GSE1: variants seen among roughly 807,000 people sequenced by gnomAD.
GSE1 encodes the protein genetic suppressor element 1.
GSE1 carries 32 observed loss-of-function variants against 112.6 expected under a neutral mutation model. The observed-to-expected ratio is 0.28, with a 90% CI of 0.21 to 0.38. The LOEUF is 0.38. GSE1 is among the 10% of genes least tolerant of loss of function. The probability of loss-of-function intolerance (pLI) is 1.00; values close to 1 mark genes in which losing one functional copy is unlikely to be tolerated. For missense variants in GSE1, 2,348 were observed against 1,699.2 expected (o/e 1.38, Z -6.71); for synonymous variants, 1,115 against 735.6 (o/e 1.52, Z -8.35).
At chr16:85,433,053 C>A (rs1019156583) in intron 2 of GSE1, among the ~76,000 whole-genome samples, 2 of 151,832 alleles carry the variant, frequency 1.3e-5, no homozygotes, top group Non-Finnish European at 2.9e-5. Flanking sequence ...AAGTCCCCCC[C>A]AGAGACTTCC....
chr16:85,453,491 A>C (rs867507659), intron 2 of GSE1, among the ~76,000 whole-genome samples: 1 of 151,958 alleles, frequency 6.6e-6, no homozygotes, highest in Non-Finnish European at 1.5e-5. Context: ...CTTAGGTGTG[A>C]GGGCACCTCT....
At chr16:85,553,328 G>A (rs532628280), upstream of GSE1, among the ~76,000 whole-genome samples, 1 of 150,986 alleles carries the variant, frequency 6.6e-6, no homozygotes, top group South Asian at 2.1e-4. Flanking sequence ...GGGTGCAAGG[G>A]GAGGCGCAGA....
chr16:85,610,096 C>T (rs1459720402), upstream of GSE1, among the ~76,000 whole-genome samples: 2 of 152,230 alleles, frequency 1.3e-5, no homozygotes, highest in East Asian at 3.9e-4. Flanking sequence ...AGCCTGCCTT[C>T]CGCTCTTGGA....
upstream of GSE1, among the ~76,000 whole-genome samples, chr16:85,612,284 G>A (rs943225729): frequency 6.6e-6 from 1 of 152,024 alleles, no homozygotes; most frequent in South Asian, 2.1e-4. Flanking sequence ...GCCGGGGGGT[G>A]GGAAGGCTGG....
chr16:85,642,318 A>G (rs544939495), intron 2 of GSE1, among the ~76,000 whole-genome samples: 1 of 152,346 alleles, frequency 6.6e-6, no homozygotes, highest in South Asian at 2.1e-4. Flanking sequence ...CTCTAAAAAT[A>G]TTTTGTAATT....
rs369337540 is a variant in GSE1, at chr16:85,668,456, G to A, written c.3415+32G>A. 9 of 1,398,444 alleles carry A rather than the reference G, an allele frequency of 6.4e-6. No homozygotes were observed. In the African/African-American group the frequency reaches 8.4e-5, roughly 13 times the overall value. 86.6% of individuals were successfully genotyped at this position (1,398,444 alleles called of 1,614,324 possible). Reference sequence around the variant, plus strand: ...GGGTGCTGGGGAAGAGGGGGGAGGGGGTCAGGAAAGTACCTTTGGAAAGGA... The same window carrying A: ...GGGTGCTGGGGAAGAGGGGGGAGGGAGTCAGGAAAGTACCTTTGGAAAGGA... On this transcript the variant is annotated intron_variant, in intron 14 of 15. Coordinates refer to ENST00000253458, the MANE Select transcript of GSE1 (RefSeq NM_014615.5).
intron 2 of GSE1, among the ~76,000 whole-genome samples, chr16:85,461,995 C>A: frequency 6.6e-6 from 1 of 152,204 alleles, no homozygotes; most frequent in East Asian, 1.9e-4. Context: ...TCACTTAGAG[C>A]CTCGGTGCTC....
chr16:85,186,912 T>G (rs2074715024), intron 1 of GSE1, among the ~76,000 whole-genome samples: 1 of 152,094 alleles, frequency 6.6e-6, no homozygotes, highest in Admixed American at 6.5e-5. Context: ...ACTGACCCTG[T>G]AAACAGGACC....
chr16:85,655,718 C>G lies in GSE1; in HGVS notation c.798-8C>G, dbSNP rs377187224. The G allele has an allele frequency of 3.2e-6, 5 of 1,584,434 alleles. No individual in the cohort carries two copies. The African/African-American group carries it at 6.7e-5, about 21-fold the overall frequency. On this transcript the variant is annotated splice_polypyrimidine_tract_variant and splice_region_variant and intron_variant, in intron 5 of 15. Transcript: ENST00000253458. ...TTTGCTGCTCACAGCCCCGTCTTCT[C>G]TGCACAGGATGGACGACTCCTACTG...
intron 2 of GSE1, among the ~76,000 whole-genome samples, chr16:85,385,211 C>G (rs1314597126): frequency 6.6e-6 from 1 of 152,206 alleles, no homozygotes; most frequent in Admixed American, 6.5e-5. Context: ...GTGGGTGCCT[C>G]CAGCCTGTGG....
In GSE1 at chr16:85,655,895, A is replaced by C; in HGVS notation, c.967A>C (p.Met323Leu). 1 of 1,605,410 alleles carries C rather than the reference A, an allele frequency of 6.2e-7. No homozygotes were observed. The highest frequency in any genetic ancestry group is 1.1e-5 in the South Asian group (1 of 91,046). Residue 323 changes from methionine (M) to leucine (L), a missense_variant, in exon 6 of 16, where the codon ATG (methionine) becomes CTG (leucine). Coordinates refer to ENST00000253458, the MANE Select transcript of GSE1 (RefSeq NM_014615.5). ...SSLAALHSER[M>L]SGLSAERLQM... The stretch of plus-strand genomic sequence containing the variant: ...CCTGGCAGCGCTGCACTCGGAGCGC[A>C]TGTCTGGCCTCAGCGCGGAGAGGTA...
At position 85,655,820 on chromosome 16, in the gene GSE1, C is replaced by T. The variant is rs372333252; in HGVS notation, c.892C>T (p.His298Tyr). The T allele has an allele frequency of 3.1e-6, 5 of 1,610,132 alleles. No individual in the cohort carries two copies. The highest frequency in any genetic ancestry group is 4.2e-6 in the Non-Finnish European group (5 of 1,178,408). The change falls in exon 6 of 16, where the codon CAC (histidine) becomes TAC (tyrosine). Residue 298 changes from histidine (H) to tyrosine (Y), a missense_variant. Coordinates refer to ENST00000253458, the MANE Select transcript of GSE1 (RefSeq NM_014615.5). ...SLPPLHPSAM[H>Y]LHLSGVRYPP... Reference sequence around the variant, plus strand: ...GCCCCCACTGCACCCATCAGCGATGCACCTGCACCTCTCTGGGGTCCGCTA... The same window carrying T: ...GCCCCCACTGCACCCATCAGCGATGTACCTGCACCTCTCTGGGGTCCGCTA...
At chr16:85,243,707 C>T (rs1430130217) in intron 1 of GSE1, among the ~76,000 whole-genome samples, 5 of 152,124 alleles carry the variant, frequency 3.3e-5, no homozygotes, top group African/African-American at 4.8e-5. Context: ...TGTGTGTGGA[C>T]GCATCTGTGC....
Position 85,433,090 on chromosome 16 carries a change from G to A in GSE1, c.2464+75447G>A, listed in dbSNP as rs573993624. ...TGGGGCAACTTGGAATGGGGCTCAG[G>A]GGTTCAGGGAGGCTCAGCACCAGCC... On this transcript the variant is annotated intron_variant, in intron 2 of 2. Coordinates refer to the GSE1 transcript ENST00000637419. Among the ~76,000 whole-genome samples the A allele has an allele frequency of 2.0e-5, 3 of 152,028 alleles. No individual in the cohort carries two copies. In the East Asian group the frequency reaches 5.8e-4, roughly 30 times the overall value.
chr16:85,517,581 G>A (rs1164010062), intron 2 of GSE1, among the ~76,000 whole-genome samples: 8 of 147,280 alleles, frequency 5.4e-5, no homozygotes, highest in East Asian at 3.9e-4. Flanking sequence ...CCCACCAACC[G>A]GCCCCTGAAT....
intron 1 of GSE1, among the ~76,000 whole-genome samples, chr16:85,349,833 C>G (rs1172930609): frequency 6.6e-6 from 1 of 152,234 alleles, no homozygotes; most frequent in Admixed American, 6.5e-5. Flanking sequence ...AACCTCCCCT[C>G]TCTGCCATTC....
At chr16:85,455,692 C>A (rs1004059341) in intron 2 of GSE1, among the ~76,000 whole-genome samples, 1 of 152,234 alleles carries the variant, frequency 6.6e-6, no homozygotes, top group Non-Finnish European at 1.5e-5. Flanking sequence ...CTGCCTCCCC[C>A]GCACGAGACT....
intron 2 of GSE1, among the ~76,000 whole-genome samples, chr16:85,549,264 T>G: frequency 6.6e-6 from 1 of 152,030 alleles, no homozygotes; most frequent in South Asian, 2.1e-4. Context: ...AGCCTCAATT[T>G]CCTGGGCTCA....
At chr16:85,644,580 G>A (rs546098150) in intron 2 of GSE1, among the ~76,000 whole-genome samples, 1 of 152,166 alleles carries the variant, frequency 6.6e-6, no homozygotes, top group Admixed American at 6.5e-5. Context: ...CCACGCGGTG[G>A]GATTCCCTTG....
Sources: gnomAD v4.1 joint callset for allele counts (sites outside exome capture counted in the v4.1 genomes callset) on GRCh38, gnomAD v4.1.1 for gene constraint, MANE v1.5 for transcripts, NCBI Gene and HGNC (gene_info 2026-07-23, HGNC 2026-07-21) for gene names.